Variants in C14orf39 observed in about 807,000 individuals in gnomAD.
C14orf39 encodes the protein chromosome 14 open reading frame 39, also known as protein SIX6OS1.
C14orf39 carries 66 observed loss-of-function variants against 85.6 expected under a neutral mutation model. The ratio of observed to expected loss-of-function variants is 0.77; its 90% CI spans 0.63 to 0.95. The LOEUF is 0.95. Among genes scored for constraint, C14orf39 ranks in the 40% least tolerant of loss-of-function variants. The pLI is 0.00. For synonymous variants in C14orf39, 242 were observed against 214.0 expected, an observed-to-expected ratio of 1.13 and a Z score of -1.14; for missense variants, 735 against 663.9, an observed-to-expected ratio of 1.11 and a Z score of -1.18.
intron 16 of C14orf39, among the ~76,000 whole-genome samples, chr14:60,452,460 G>T (rs1891081005): frequency 6.6e-6 from 1 of 152,096 alleles, no homozygotes; most frequent in Admixed American, 6.6e-5. Context: ...TTGAACTCAT[G>T]GAGATAGAGA....
chr14:60,465,287 T>C (rs897167296), intron 11 of C14orf39, among the ~76,000 whole-genome samples: 1 of 152,120 alleles, frequency 6.6e-6, no homozygotes, highest in African/African-American at 2.4e-5. Context: ...CAATTATATT[T>C]TTCATTGAGG....
intron 14 of C14orf39, 44 bp downstream of exon 14, chr14:60,458,634 T>G: frequency 7.3e-7 from 1 of 1,376,436 alleles, no homozygotes; most frequent in Non-Finnish European, 1.0e-6. Flanking sequence ...ATATTTTAAA[T>G]TGGAATTTTT....
At chr14:60,472,100 C>G (rs563708620) in intron 5 of C14orf39, among the ~76,000 whole-genome samples, 5 of 152,198 alleles carry the variant, frequency 3.3e-5, no homozygotes, top group Admixed American at 1.3e-4. Flanking sequence ...TGATCACTTA[C>G]TCCTTGTGGA....
chr14:60,469,886 A>G (rs551452736), intron 7 of C14orf39, among the ~76,000 whole-genome samples: 17 of 151,026 alleles, frequency 1.1e-4, no homozygotes, highest in African/African-American at 3.4e-4. Flanking sequence ...TTTCATACAA[A>G]ATATTTGTTA....
intron 5 of C14orf39, among the ~76,000 whole-genome samples, chr14:60,478,051 C>A (rs558693698): frequency 6.6e-6 from 1 of 151,612 alleles, no homozygotes; most frequent in Non-Finnish European, 1.5e-5. Context: ...CGGTGGCGGG[C>A]GCCTGTAGTC....
At chr14:60,472,482 T>C (rs571965935) in intron 5 of C14orf39, among the ~76,000 whole-genome samples, 5 of 152,290 alleles carry the variant, frequency 3.3e-5, no homozygotes, top group East Asian at 3.9e-4. Context: ...ACATGTGCCA[T>C]GTTGGTGTGC....
At chr14:60,488,544 T>G (rs1892938973), upstream of C14orf39, among the ~76,000 whole-genome samples, 1 of 152,170 alleles carries the variant, frequency 6.6e-6, no homozygotes, top group Admixed American at 6.5e-5. Context: ...ATTTTCCTTA[T>G]CTATTATTGA....
At chr14:60,441,915 T>C (rs1036539242) in intron 17 of C14orf39, among the ~76,000 whole-genome samples, 159 bp downstream of exon 17, 1 of 152,038 alleles carries the variant, frequency 6.6e-6, no homozygotes, top group African/African-American at 2.4e-5. Context: ...GAAAAGCTAA[T>C]TGCTTGAAAA....
At chr14:60,479,608 C>T (rs1892544110) in intron 4 of C14orf39, among the ~76,000 whole-genome samples, 3 of 152,182 alleles carry the variant, frequency 2.0e-5, no homozygotes, top group Admixed American at 1.3e-4. Context: ...CACTATAAGC[C>T]TTTTGATGTA....
chr14:60,478,927 T>C (rs962160032), intron 4 of C14orf39, among the ~76,000 whole-genome samples: 5 of 44,520 alleles, frequency 1.1e-4, no homozygotes, highest in Admixed American at 3.1e-4. Context: ...ATATTCATCT[T>C]ATACATTTTT....
chr14:60,495,908 G>C (rs1893063385), intron 2 of C14orf39: 1 of 418,270 alleles, frequency 2.4e-6, no homozygotes, highest in African/African-American at 2.0e-5. Flanking sequence ...GAAGAGCACA[G>C]AGTCCAGGGT....
At chr14:60,474,293 A>G (rs544487711) in intron 5 of C14orf39, among the ~76,000 whole-genome samples, 25 of 152,234 alleles carry the variant, frequency 1.6e-4, no homozygotes, top group African/African-American at 6.0e-4. Flanking sequence ...GCTTAAGGAG[A>G]GTTTGGGCTG....
intron 16 of C14orf39, among the ~76,000 whole-genome samples, chr14:60,449,186 T>C (rs911871906): frequency 2.6e-5 from 4 of 151,946 alleles, no homozygotes; most frequent in Non-Finnish European, 5.9e-5. Context: ...AAGCATAATT[T>C]AAAAAAAGAA....
intron 17 of C14orf39, among the ~76,000 whole-genome samples, chr14:60,440,174 A>G (rs1440546043): frequency 2.0e-5 from 3 of 152,230 alleles, no homozygotes; most frequent in Non-Finnish European, 4.4e-5. Context: ...ATTAAATACC[A>G]TTTATAAAAA....
intron 1 of C14orf39, among the ~76,000 whole-genome samples, chr14:60,506,552 T>A (rs1370895930): frequency 6.6e-6 from 1 of 152,196 alleles, no homozygotes; most frequent in East Asian, 1.9e-4. Flanking sequence ...CTTCCCCTTG[T>A]GAAGCTGGTG....
At chr14:60,485,921 C>T (rs1161393352) in intron 1 of C14orf39, 24 bp downstream of exon 1, 1 of 152,816 alleles carries the variant, frequency 6.5e-6, no homozygotes, top group Non-Finnish European at 1.5e-5. Flanking sequence ...AAAACCGCCA[C>T]ATGCAGCTCC....
At position 60,461,362 on chromosome 14, in the gene C14orf39, CCT is replaced by C. The variant is rs748828560; in HGVS notation, c.1107_1108del (p.Asp371Ter). ...ATATAAACGGCAAATACCTTTATCCCCTTTTTCCGACCACTGATTGGAATTTG... is the reference window on the plus strand; with the variant it reads ...ATATAAACGGCAAATACCTTTATCCCTTTTCCGACCACTGATTGGAATTTG... On this transcript the variant is annotated frameshift_variant, in exon 13 of 18. Coordinates refer to ENST00000321731, the MANE Select transcript of C14orf39 (RefSeq NM_174978.3). LOFTEE classifies it high-confidence loss of function. 1 of 1,610,612 alleles carries C rather than the reference CCT, an allele frequency of 6.2e-7. No homozygotes were observed. The highest frequency in any genetic ancestry group is 8.5e-7 in the Non-Finnish European group (1 of 1,177,940).
intron 1 of C14orf39, among the ~76,000 whole-genome samples, chr14:60,504,538 G>C (rs1893181724): frequency 6.6e-6 from 1 of 152,180 alleles, no homozygotes; most frequent in African/African-American, 2.4e-5. Flanking sequence ...TGTCCCAATA[G>C]AGAACCATGA....
chr14:60,493,367 C>T (rs1893020444), intron 2 of C14orf39, among the ~76,000 whole-genome samples: 1 of 152,104 alleles, frequency 6.6e-6, no homozygotes, highest in Admixed American at 6.5e-5. Flanking sequence ...TATGACAGAT[C>T]TTGTCCGTTT....
Sources: allele counts gnomAD v4.1 joint callset (sites outside exome capture counted in the v4.1 genomes callset), GRCh38; gene constraint gnomAD v4.1.1; transcripts MANE v1.5; gene names NCBI Gene and HGNC (gene_info 2026-07-23, HGNC 2026-07-21).